Variants in CACNA2D3 observed in about 807,000 individuals in gnomAD.
CACNA2D3 encodes the protein voltage-dependent calcium channel subunit alpha-2/delta-3.
A neutral mutation model predicts 160.6 loss-of-function variants in CACNA2D3; 60 were observed. The observed-to-expected ratio is 0.37, with a 90% CI of 0.30 to 0.46. The LOEUF (loss-of-function observed/expected upper bound fraction) is 0.46. CACNA2D3 is among the 20% of genes least tolerant of loss of function. The probability of loss-of-function intolerance (pLI) is 1.00; values close to 1 mark genes in which losing one functional copy is unlikely to be tolerated. For missense variants in CACNA2D3, 1,205 were observed against 1,365.0 expected (o/e 0.88, Z 1.85); for synonymous variants, 558 against 492.9 (o/e 1.13, Z -1.75).
chr3:54,185,426 C>G (rs1460836642), intron 2 of CACNA2D3, among the ~76,000 whole-genome samples: 6 of 152,232 alleles, frequency 3.9e-5, no homozygotes, highest in South Asian at 4.1e-4. Flanking sequence ...CTTAATTTTA[C>G]CCTGGCATCT....
At chr3:54,626,159 C>T (rs1699095125) in intron 9 of CACNA2D3, 1 of 665,346 alleles carries the variant, frequency 1.5e-6, no homozygotes, top group South Asian at 1.8e-5. Context: ...CAAGGGGAGT[C>T]TCACGATAAC....
intron 4 of CACNA2D3, among the ~76,000 whole-genome samples, chr3:54,446,312 G>C (rs559213111): frequency 6.6e-6 from 1 of 152,196 alleles, no homozygotes; most frequent in South Asian, 2.1e-4. Flanking sequence ...TTTCATGGGG[G>C]AAAATCCATA....
chr3:54,291,773 A>T (rs1703211864), intron 2 of CACNA2D3, among the ~76,000 whole-genome samples: 1 of 152,166 alleles, frequency 6.6e-6, no homozygotes, highest in South Asian at 2.1e-4. Flanking sequence ...TAGGAATGGG[A>T]GTGCTGAACA....
intron 11 of CACNA2D3, among the ~76,000 whole-genome samples, chr3:54,733,576 C>T (rs186174216): frequency 2.6e-5 from 4 of 152,262 alleles, no homozygotes; most frequent in African/African-American, 4.8e-5. Flanking sequence ...TAACATTAGG[C>T]CTCCCGGGCC....
rs58790730 is a variant in CACNA2D3 at position 54,319,157 on chromosome 3, GACACACACACAC to G, written c.205-1252_205-1241del. ...TGAACAAGGAAGGGAAGCATTTTGTGACACACACACACACACACACACACACACACACACACA... is the reference window on the plus strand; with the variant it reads ...TGAACAAGGAAGGGAAGCATTTTGTGACACACACACACACACACACACACA... On this transcript the variant is annotated intron_variant, in intron 2 of 37. Coordinates refer to ENST00000474759, the MANE Select transcript of CACNA2D3 (RefSeq NM_018398.3). 1.4e-3 allele frequency among the ~76,000 whole-genome samples: 188 copies of G among 138,956 alleles called. 1 individual carries two copies. In the South Asian group the frequency reaches 0.021, roughly 16 times the overall value. The allele number at this position is 138,956 out of a possible 152,430, so 91.2% of individuals were successfully genotyped here.
chr3:54,301,278 C>CAACAAACA (rs1019102023), intron 2 of CACNA2D3, among the ~76,000 whole-genome samples: 2 of 144,698 alleles, frequency 1.4e-5, no homozygotes, highest in African/African-American at 5.1e-5. Context: ...ACAACAACAA[C>CAACAAACA]AACAAACAAA....
chr3:54,870,141 G>A (rs995671319), intron 17 of CACNA2D3, among the ~76,000 whole-genome samples: 4 of 152,126 alleles, frequency 2.6e-5, no homozygotes, highest in Admixed American at 2.6e-4. Context: ...TGCATGCGTG[G>A]ACACTTGGCC....
intron 27 of CACNA2D3, among the ~76,000 whole-genome samples, chr3:54,965,476 C>T (rs528343265): frequency 6.6e-6 from 1 of 152,286 alleles, no homozygotes; most frequent in Admixed American, 6.5e-5. Context: ...AAGCTCTCAC[C>T]AGGCCAAGTC....
intron 29 of CACNA2D3, among the ~76,000 whole-genome samples, chr3:54,983,574 A>G (rs1702552608): frequency 6.6e-6 from 1 of 152,176 alleles, no homozygotes; most frequent in African/African-American, 2.4e-5. Flanking sequence ...CAACTCTTTT[A>G]TAAGAGGTGC....
intron 30 of CACNA2D3, among the ~76,000 whole-genome samples, chr3:54,985,359 G>A (rs1491998): frequency 0.67 from 101,787 of 152,092 alleles, 34,538 homozygotes; most frequent in East Asian, 0.87. Flanking sequence ...ATAGAAAAAC[G>A]AGTTTTTCCA....
chr3:54,875,648 G>A (rs1401094804), intron 18 of CACNA2D3: 2 of 152,232 alleles, frequency 1.3e-5, no homozygotes, highest in Admixed American at 6.5e-5. Context: ...GCTTCCACCT[G>A]TAACGAGGTT....
intron 13 of CACNA2D3, among the ~76,000 whole-genome samples, chr3:54,779,956 A>G (rs1248956512): frequency 6.6e-6 from 1 of 152,230 alleles, no homozygotes; most frequent in East Asian, 1.9e-4. Context: ...TGCCTAGCAC[A>G]GAGTAAGTAC....
intron 11 of CACNA2D3, among the ~76,000 whole-genome samples, chr3:54,658,491 A>G (rs926577135): frequency 7.2e-5 from 11 of 152,196 alleles, no homozygotes; most frequent in African/African-American, 2.2e-4. Context: ...AGAAATGCCT[A>G]TTCAGGTTCT....
At chr3:54,244,034 G>A (rs1240477558) in intron 2 of CACNA2D3, among the ~76,000 whole-genome samples, 1 of 152,216 alleles carries the variant, frequency 6.6e-6, no homozygotes, top group Non-Finnish European at 1.5e-5. Flanking sequence ...ACCACCTGAT[G>A]ATAGCACCTT....
At chr3:54,631,853 T>G (rs946719027) in intron 10 of CACNA2D3, among the ~76,000 whole-genome samples, 1 of 152,254 alleles carries the variant, frequency 6.6e-6, no homozygotes, top group Non-Finnish European at 1.5e-5. Flanking sequence ...TTATCATTTT[T>G]GGCGATGAAT....
intron 4 of CACNA2D3, among the ~76,000 whole-genome samples, chr3:54,465,963 C>G (rs1194237115): frequency 6.6e-6 from 1 of 152,128 alleles, no homozygotes; most frequent in East Asian, 1.9e-4. Flanking sequence ...GGTTATGAGA[C>G]TGAGGTCCCC....
intron 13 of CACNA2D3, among the ~76,000 whole-genome samples, chr3:54,782,998 A>G (rs1194185926): frequency 6.6e-6 from 1 of 152,096 alleles, no homozygotes; most frequent in Admixed American, 6.5e-5. Context: ...TATTATCTCC[A>G]TTTACTTGAT....
intron 2 of CACNA2D3, among the ~76,000 whole-genome samples, chr3:54,246,343 A>G (rs1702076040): frequency 6.6e-6 from 1 of 152,122 alleles, no homozygotes; most frequent in African/African-American, 2.4e-5. Flanking sequence ...TGTAAGTCAC[A>G]TGTTCTTTTT....
In CACNA2D3 at chr3:55,050,161, T is replaced by G. The variant is rs376029593; in HGVS notation, c.2988-23284T>G. Among the ~76,000 whole-genome samples, 108 of 151,282 alleles carry G rather than the reference T, an allele frequency of 7.1e-4. 2 individuals carry two copies. In the East Asian group the frequency reaches 0.018, roughly 25 times the overall value. ...TCCTGTCATTTTGATGTTAGCTGGTTATTTTGCTCATTAGTTGATGCAGTT... is the reference window on the plus strand; with the variant it reads ...TCCTGTCATTTTGATGTTAGCTGGTGATTTTGCTCATTAGTTGATGCAGTT... On this transcript the variant is annotated intron_variant, in intron 35 of 37. Transcript: ENST00000474759.
Sources: allele counts gnomAD v4.1 joint callset (sites outside exome capture counted in the v4.1 genomes callset), GRCh38; gene constraint gnomAD v4.1.1; transcripts MANE v1.5; gene names NCBI Gene and HGNC (gene_info 2026-07-23, HGNC 2026-07-21).